DLGAP1: variants seen among roughly 807,000 people sequenced by gnomAD.
DLGAP1 encodes the protein disks large-associated protein 1.
DLGAP1 carries 11 observed loss-of-function variants against 90.8 expected under a neutral mutation model. The ratio of observed to expected loss-of-function variants is 0.12; its 90% CI spans 0.08 to 0.20. DLGAP1 has a LOEUF of 0.20. Among genes scored for constraint, DLGAP1 ranks in the 10% least tolerant of loss-of-function variants. The probability of loss-of-function intolerance (pLI) is 1.00; values close to 1 mark genes in which losing one functional copy is unlikely to be tolerated. For synonymous variants in DLGAP1, 558 were observed against 540.7 expected, an observed-to-expected ratio of 1.03 and a Z score of -0.44; for missense variants, 1,050 against 1,333.8, an observed-to-expected ratio of 0.79 and a Z score of 3.31.
chr18:4,281,951 A>G (rs1177460287), intron 1 of DLGAP1, among the ~76,000 whole-genome samples: 2 of 152,210 alleles, frequency 1.3e-5, no homozygotes, highest in Admixed American at 6.6e-5. Flanking sequence ...AATGAATTCT[A>G]AATGCATTCC....
intron 3 of DLGAP1, among the ~76,000 whole-genome samples, chr18:3,893,579 CAAA>C (rs2071535305): frequency 8.6e-6 from 1 of 116,820 alleles, no homozygotes; most frequent in African/African-American, 3.4e-5. Flanking sequence ...AACTCAATCT[CAAA>C]ATAATAATAA....
chr18:4,249,103 C>T (rs1003560713), intron 1 of DLGAP1, among the ~76,000 whole-genome samples: 2 of 152,208 alleles, frequency 1.3e-5, no homozygotes, highest in African/African-American at 4.8e-5. Context: ...CTCCCTTTCC[C>T]TGCTCTATTT....
chr18:3,818,310 A>G (rs2067204823), intron 4 of DLGAP1, among the ~76,000 whole-genome samples: 1 of 150,220 alleles, frequency 6.7e-6, no homozygotes, highest in Non-Finnish European at 1.5e-5. Flanking sequence ...ATCAAGTGCT[A>G]ACATCCTCTA....
At chr18:3,751,861 A>ACTT (rs376133799) in intron 5 of DLGAP1, among the ~76,000 whole-genome samples, 44 of 114,984 alleles carry the variant, frequency 3.8e-4, no homozygotes, top group South Asian at 1.1e-3. Context: ...CTGTGCCCGG[A>ACTT]CTTCTTCTTC....
chr18:4,197,864 C>G (rs1350225424), intron 1 of DLGAP1, among the ~76,000 whole-genome samples: 1 of 152,082 alleles, frequency 6.6e-6, no homozygotes, highest in East Asian at 1.9e-4. Flanking sequence ...TTTCCCAGGG[C>G]CCTCATAGTT....
At chr18:3,628,558 G>A (rs1012209734) in intron 7 of DLGAP1, among the ~76,000 whole-genome samples, 6 of 152,062 alleles carry the variant, frequency 3.9e-5, no homozygotes, top group Admixed American at 1.3e-4. Context: ...GAATGCCTCC[G>A]AGCCTGCAGT....
At chr18:3,604,557 C>T (rs1956788260) in intron 7 of DLGAP1, among the ~76,000 whole-genome samples, 1 of 152,142 alleles carries the variant, frequency 6.6e-6, no homozygotes, top group African/African-American at 2.4e-5. Context: ...TCTCAGTACA[C>T]GATCCCTTTA....
intron 9 of DLGAP1, among the ~76,000 whole-genome samples, chr18:3,561,436 CAAAAAAAAAAAAAAA>C (rs68086553): frequency 2.6e-5 from 2 of 76,360 alleles, no homozygotes; most frequent in Admixed American, 1.6e-4. Flanking sequence ...ACTCCATCTC[CAAAAAAAAAAAAAAA>C]AAAAAAAACA....
intron 11 of DLGAP1, among the ~76,000 whole-genome samples, chr18:3,508,217 T>C (rs997634027): frequency 5.9e-5 from 9 of 152,344 alleles, no homozygotes; most frequent in African/African-American, 2.2e-4. Flanking sequence ...AATGATTTTT[T>C]TTGGGCAATA....
At chr18:3,903,513 G>A (rs1415176372) in intron 3 of DLGAP1, among the ~76,000 whole-genome samples, 1 of 152,170 alleles carries the variant, frequency 6.6e-6, no homozygotes, top group Non-Finnish European at 1.5e-5. Context: ...CTGCAAATAT[G>A]CATGGGGAAA....
At chr18:4,404,389 C>A (rs2082619567) in intron 1 of DLGAP1, among the ~76,000 whole-genome samples, 1 of 152,066 alleles carries the variant, frequency 6.6e-6, no homozygotes, top group Admixed American at 6.6e-5. Context: ...ATTTGCTGAG[C>A]ACACACTAGC....
At chr18:3,899,032 C>T (rs901144590) in intron 3 of DLGAP1, among the ~76,000 whole-genome samples, 3 of 152,212 alleles carry the variant, frequency 2.0e-5, no homozygotes, top group African/African-American at 7.2e-5. Flanking sequence ...GGCCACTTCT[C>T]ACCATCTGCT....
chr18:3,732,933 T>C (rs1269860942), intron 6 of DLGAP1, among the ~76,000 whole-genome samples: 1 of 152,178 alleles, frequency 6.6e-6, no homozygotes, highest in Admixed American at 6.5e-5. Context: ...AGAACTAGGA[T>C]ATAAATACTA....
chr18:3,770,753 T>C (rs538449417), intron 5 of DLGAP1, among the ~76,000 whole-genome samples: 3 of 152,294 alleles, frequency 2.0e-5, no homozygotes, highest in African/African-American at 7.2e-5. Flanking sequence ...AATGGAAACA[T>C]GCCCCATCAA....
intron 2 of DLGAP1, among the ~76,000 whole-genome samples, chr18:4,118,090 T>C (rs907937735): frequency 6.6e-6 from 1 of 152,118 alleles, no homozygotes; most frequent in Non-Finnish European, 1.5e-5. Flanking sequence ...TGCTCTGCCA[T>C]TTTGCATGTG....
At chr18:3,720,896 A>AAAAAAAAAAGG (rs1555641010) in intron 7 of DLGAP1, among the ~76,000 whole-genome samples, 1 of 125,796 alleles carries the variant, frequency 7.9e-6, no homozygotes, top group Non-Finnish European at 1.6e-5. Flanking sequence ...TACAAAAAAA[A>AAAAAAAAAAGG]AAAAAAAAAA....
intron 5 of DLGAP1, among the ~76,000 whole-genome samples, chr18:3,796,340 T>TACAC (rs75599517): frequency 0.59 from 89,592 of 151,508 alleles, 27,241 homozygotes; most frequent in Non-Finnish European, 0.67. Flanking sequence ...AGTCCTGGGC[T>TACAC]TTTGGTTCTG....
At chr18:4,392,638 T>C (rs1326394567) in intron 1 of DLGAP1, among the ~76,000 whole-genome samples, 1 of 152,212 alleles carries the variant, frequency 6.6e-6, no homozygotes, top group Non-Finnish European at 1.5e-5. Flanking sequence ...GGAAGCTTTA[T>C]AATCTACTAA....
At position 3,858,835 on chromosome 18, in the gene DLGAP1, G is replaced by C. The variant is rs558332075; in HGVS notation, c.957+20277C>G. On this transcript the variant is annotated intron_variant, in intron 4 of 12. Coordinates refer to ENST00000315677, the MANE Select transcript of DLGAP1 (RefSeq NM_004746.4). ...AGAGGGCATACCATCTCACAAGAAA[G>C]GAACACTCCTTTTAGATGACACTAA... Among the ~76,000 whole-genome samples, 11 of 152,180 alleles carry C rather than the reference G, an allele frequency of 7.2e-5. No homozygotes were observed. In the South Asian group the frequency reaches 2.3e-3, roughly 32 times the overall value.
Sources: allele counts gnomAD v4.1 joint callset (sites outside exome capture counted in the v4.1 genomes callset), GRCh38; gene constraint gnomAD v4.1.1; transcripts MANE v1.5; gene names NCBI Gene and HGNC (gene_info 2026-07-23, HGNC 2026-07-21).